CELF4: variants seen among roughly 807,000 people sequenced by gnomAD.
CELF4 encodes CUGBP Elav-like family member 4.
A neutral mutation model predicts 59.9 loss-of-function variants in CELF4; 18 were observed. That is an observed-to-expected ratio of 0.30 (90% CI 0.21 to 0.45). CELF4 has a LOEUF of 0.45. Among genes scored for constraint, CELF4 ranks in the 20% least tolerant of loss-of-function variants. CELF4 has a pLI of 1.00. For missense variants in CELF4, 456 were observed against 689.0 expected (o/e 0.66, Z 3.79); for synonymous variants, 261 against 267.1 (o/e 0.98, Z 0.22).
intron 2 of CELF4, among the ~76,000 whole-genome samples, chr18:37,460,347 C>A (rs183909274): frequency 6.6e-6 from 1 of 152,102 alleles, no homozygotes; most frequent in Admixed American, 6.5e-5. Flanking sequence ...TTATGCTGAG[C>A]GAGGGGTTCC....
At chr18:37,395,791 G>GC (rs1284904806) in intron 2 of CELF4, among the ~76,000 whole-genome samples, 1 of 152,184 alleles carries the variant, frequency 6.6e-6, no homozygotes, top group Admixed American at 6.5e-5. Context: ...CAGTCCTGAG[G>GC]CCCCCACATG....
chr18:37,430,135 G>T (rs763445032), intron 2 of CELF4, among the ~76,000 whole-genome samples: 2 of 152,062 alleles, frequency 1.3e-5, no homozygotes, highest in African/African-American at 4.8e-5. Flanking sequence ...CCTGCCATCC[G>T]CCACCCCACC....
At chr18:37,285,572 C>T (rs1044693427) in intron 3 of CELF4, among the ~76,000 whole-genome samples, 8 of 152,210 alleles carry the variant, frequency 5.3e-5, no homozygotes, top group African/African-American at 9.6e-5. Context: ...TCATCTCTTG[C>T]GCTCTGAGAG....
At position 37,265,025 on chromosome 18, in the gene CELF4, G is replaced by A. The variant is rs1362799670; in HGVS notation, c.1166-268C>T. Reference sequence around the variant, plus strand: ...TACATGCATGTACGTGTGGGGATGTGTGTGTACGTGTGTGTGTACATTACA... The same window carrying A: ...TACATGCATGTACGTGTGGGGATGTATGTGTACGTGTGTGTGTACATTACA... On this transcript the variant is annotated intron_variant, in intron 9 of 12. Coordinates refer to ENST00000420428, the MANE Select transcript of CELF4 (RefSeq NM_020180.4). Among the ~76,000 whole-genome samples the A allele has an allele frequency of 3.3e-5, 5 of 151,708 alleles. No individual in the cohort carries two copies. In the South Asian group the frequency reaches 8.3e-4, roughly 25 times the overall value.
At chr18:37,338,798 T>C (rs1290831226) in intron 2 of CELF4, among the ~76,000 whole-genome samples, 1 of 139,270 alleles carries the variant, frequency 7.2e-6, no homozygotes, top group Non-Finnish European at 1.6e-5. Flanking sequence ...GTGTGTGGTG[T>C]GTGTGATCTA....
chr18:37,343,280 C>T (rs2098121894), intron 2 of CELF4, among the ~76,000 whole-genome samples: 1 of 149,046 alleles, frequency 6.7e-6, no homozygotes, highest in South Asian at 2.1e-4. Flanking sequence ...GTTGTGAGGC[C>T]CTGTGTGCAT....
intron 2 of CELF4, among the ~76,000 whole-genome samples, chr18:37,439,464 G>A (rs1405412461): frequency 6.6e-6 from 1 of 152,286 alleles, no homozygotes; most frequent in South Asian, 2.1e-4. Context: ...GAGCTCATGA[G>A]GGTTGTGCCA....
At chr18:37,321,742 CG>C (rs1451167981) in intron 3 of CELF4, 60 bp downstream of exon 3, 13 of 1,237,378 alleles carry the variant, frequency 1.1e-5, no homozygotes, top group African/African-American at 1.5e-5. Flanking sequence ...CTTGCTGCGT[CG>C]GGAAAAGGAG....
intron 11 of CELF4, among the ~76,000 whole-genome samples, chr18:37,255,371 C>G (rs1401534982): frequency 1.3e-5 from 2 of 151,960 alleles, no homozygotes; most frequent in Admixed American, 6.6e-5. Flanking sequence ...CTGCCTCCAT[C>G]GTCTCTTTCT....
At chr18:37,546,359 A>G (rs1603643865) in intron 1 of CELF4, among the ~76,000 whole-genome samples, 2 of 151,962 alleles carry the variant, frequency 1.3e-5, no homozygotes, top group East Asian at 3.9e-4. Context: ...ACACATGCTC[A>G]CTACATACTT....
intron 2 of CELF4, among the ~76,000 whole-genome samples, chr18:37,362,563 C>T (rs2098721398): frequency 6.6e-6 from 1 of 152,122 alleles, no homozygotes; most frequent in Admixed American, 6.5e-5. Flanking sequence ...GGGCACCCTT[C>T]TGCCAGGACA....
In CELF4 at chr18:37,275,249, A is replaced by G; in HGVS notation, c.449-6T>C. 2 of 1,613,054 alleles carry G rather than the reference A, an allele frequency of 1.2e-6. No individual in the cohort carries two copies. Among genetic ancestry groups the G allele is most frequent in the Non-Finnish European group, 1.7e-6 (2 of 1,179,688 alleles). Reference sequence around the variant, plus strand: ...CACGAAGAGTTTTCTATCTTCTAGAACAAAATTAGGAGATGCTTACCCGGG... The same window carrying G: ...CACGAAGAGTTTTCTATCTTCTAGAGCAAAATTAGGAGATGCTTACCCGGG... On this transcript the variant is annotated splice_polypyrimidine_tract_variant and splice_region_variant and intron_variant, in intron 3 of 12. Coordinates refer to ENST00000420428, the MANE Select transcript of CELF4 (RefSeq NM_020180.4).
intron 2 of CELF4, among the ~76,000 whole-genome samples, chr18:37,405,096 C>CCG (rs1009867237): frequency 2.0e-5 from 3 of 152,252 alleles, no homozygotes; most frequent in African/African-American, 7.2e-5. Context: ...GCCCCAACCC[C>CCG]CCCCGTGTCC....
chr18:37,257,217 A>T, intron 11 of CELF4, among the ~76,000 whole-genome samples: 1 of 152,204 alleles, frequency 6.6e-6, no homozygotes, highest in South Asian at 2.1e-4. Context: ...CAAATATGCC[A>T]AGCCCAGCTA....
chr18:37,319,071 C>T (rs1285881967), intron 3 of CELF4, among the ~76,000 whole-genome samples: 1 of 152,228 alleles, frequency 6.6e-6, no homozygotes, highest in East Asian at 1.9e-4. Context: ...CTGGCACCTA[C>T]TATCCCAGCT....
At chr18:37,531,510 G>A (rs1047491250) in intron 1 of CELF4, among the ~76,000 whole-genome samples, 5 of 152,290 alleles carry the variant, frequency 3.3e-5, no homozygotes, top group South Asian at 2.1e-4. Flanking sequence ...ACTGGTTGCC[G>A]CATGCCGATC....
chr18:37,508,332 G>A (rs1211056240), intron 1 of CELF4, among the ~76,000 whole-genome samples: 1 of 152,170 alleles, frequency 6.6e-6, no homozygotes, highest in Non-Finnish European at 1.5e-5. Context: ...TGAGCCAGGG[G>A]AGAGCGTGCA....
intron 2 of CELF4, among the ~76,000 whole-genome samples, chr18:37,398,112 G>T (rs1480595322): frequency 6.6e-6 from 1 of 152,216 alleles, no homozygotes; most frequent in African/African-American, 2.4e-5. Flanking sequence ...GAGGACAGGT[G>T]TGTCAAGTGA....
intron 2 of CELF4, among the ~76,000 whole-genome samples, chr18:37,379,073 G>A (rs1219935696): frequency 1.3e-5 from 2 of 152,182 alleles, no homozygotes; most frequent in East Asian, 3.8e-4. Context: ...TCCTGCTTAG[G>A]CTAGGAGATG....
Sources: allele counts gnomAD v4.1 joint callset (sites outside exome capture counted in the v4.1 genomes callset), GRCh38; gene constraint gnomAD v4.1.1; transcripts MANE v1.5; gene names NCBI Gene and HGNC (gene_info 2026-07-23, HGNC 2026-07-21).